Variants in EFNA2 observed in about 807,000 individuals in gnomAD.
EFNA2 encodes the protein ephrin-A2.
EFNA2 carries 18 observed loss-of-function variants against 19.7 expected under a neutral mutation model. That is an observed-to-expected ratio of 0.91 (90% CI 0.63 to 1.35). The LOEUF is 1.35. Among genes scored for constraint, EFNA2 ranks in the 40% most tolerant of loss-of-function variants. The probability of loss-of-function intolerance (pLI) is 0.00; values close to 1 mark genes in which losing one functional copy is unlikely to be tolerated. For missense variants in EFNA2, 303 were observed against 296.0 expected (o/e 1.02, Z -0.17); for synonymous variants, 187 against 137.8 (o/e 1.36, Z -2.50).
upstream of EFNA2, among the ~76,000 whole-genome samples, chr19:1,285,547 G>C (rs1250916102): frequency 6.6e-6 from 1 of 152,144 alleles, no homozygotes; most frequent in Non-Finnish European, 1.5e-5. The surrounding 1 kb of genome is among the most constrained non-coding windows in gnomAD (Gnocchi z 4.1). Flanking sequence ...CGCGTGCGTC[G>C]GGGTTGGTGA....
At position 1,286,291 on chromosome 19, in the gene EFNA2, G is replaced by A; in HGVS notation, c.123G>A (p.Trp41Ter). ...RANSDRYAVY[W>*]NRSNPRFHAG... Reference sequence around the variant, plus strand: ...ACTCGGACCGCTACGCCGTCTACTGGAACCGCAGCAACCCCAGGTGAGCGC... The same window carrying A: ...ACTCGGACCGCTACGCCGTCTACTGAAACCGCAGCAACCCCAGGTGAGCGC... The change falls in exon 1 of 4, where the codon TGG (tryptophan) becomes TGA (stop). Residue 41 changes from tryptophan (W) to a stop codon, truncating the protein, a stop_gained. Coordinates refer to ENST00000215368, the MANE Select transcript of EFNA2 (RefSeq NM_001405.4). LOFTEE classifies it high-confidence loss of function. This position sits in a 1 kb window ranked among gnomAD's most constrained non-coding sequence, Gnocchi z 5.6. 1.9e-6 allele frequency: 2 copies of A among 1,059,040 alleles called. No homozygotes were observed. Among genetic ancestry groups the A allele is most frequent in the South Asian group, 2.7e-5 (1 of 37,466 alleles). 65.6% of individuals were successfully genotyped at this position (1,059,040 alleles called of 1,614,324 possible).
rs1349741092 is a variant in EFNA2, at chr19:1,294,568, A to T, written c.141-977A>T. ...TGGGTTCCAGATGTGAGAGGGTGGT[A>T]TGGGGCTCGCAGGGTCACACAGGAA... On this transcript the variant is annotated intron_variant, in intron 1 of 3. Coordinates refer to ENST00000215368, the MANE Select transcript of EFNA2 (RefSeq NM_001405.4). This position sits in a 1 kb window ranked among gnomAD's most constrained non-coding sequence, Gnocchi z 5.8. 6.6e-6 allele frequency among the ~76,000 whole-genome samples: 1 copy of T among 151,008 alleles called. No individual in the cohort carries two copies. The highest frequency in any genetic ancestry group is 6.6e-5 in the Admixed American group (1 of 15,164).
Position 1,286,263 on chromosome 19 carries a change from C to G in EFNA2, c.95C>G (p.Ala32Gly). ...GCGCGCGCCGAGGACGCCGCCCGCG[C>G]CAACTCGGACCGCTACGCCGTCTAC... ...PFARAEDAAR[A>G]NSDRYAVYWN... Residue 32 changes from alanine (A) to glycine (G), a missense_variant, in exon 1 of 4, where the codon GCC becomes GGC. Ala to Gly is a moderately conservative substitution (Grantham distance 60). Coordinates refer to ENST00000215368, the MANE Select transcript of EFNA2 (RefSeq NM_001405.4). The surrounding 1 kb of genome is among the most constrained non-coding windows in gnomAD (Gnocchi z 5.6). 7 of 1,120,946 alleles carry G rather than the reference C, an allele frequency of 6.2e-6. No homozygotes were observed. Among genetic ancestry groups the G allele is most frequent in the Non-Finnish European group, 7.7e-6 (7 of 903,568 alleles). 69.4% of individuals were successfully genotyped at this position (1,120,946 alleles called of 1,614,324 possible). A position where few individuals can be genotyped will look rare whatever the true frequency, so the allele number is the denominator to read the frequency against.
At chr19:1,285,200 C>T (rs574257290), upstream of EFNA2, among the ~76,000 whole-genome samples, 1 of 152,228 alleles carries the variant, frequency 6.6e-6, no homozygotes, top group African/African-American at 2.4e-5. The surrounding 1 kb of genome is among the most constrained non-coding windows in gnomAD (Gnocchi z 4.1). Context: ...GGTCTTTGCA[C>T]AAGCTGTGCC....
At chr19:1,292,462 A>T (rs959765450) in intron 1 of EFNA2, among the ~76,000 whole-genome samples, 1 of 152,118 alleles carries the variant, frequency 6.6e-6, no homozygotes, top group African/African-American at 2.4e-5. Flanking sequence ...GGCCCTGGGG[A>T]GGGGACAGAG....
chr19:1,290,158 G>T (rs1190627649), intron 1 of EFNA2, among the ~76,000 whole-genome samples: 1 of 152,126 alleles, frequency 6.6e-6, no homozygotes, highest in East Asian at 1.9e-4. Flanking sequence ...ATAGGGCCTG[G>T]TGTGGATGGG....
Position 1,288,171 on chromosome 19 carries a change from T to C in EFNA2, c.140+1863T>C, listed in dbSNP as rs925290270. 7.2e-5 allele frequency among the ~76,000 whole-genome samples: 11 copies of C among 152,358 alleles called. 1 individual carries two copies. The South Asian group carries it at 2.3e-3, about 32-fold the overall frequency. On this transcript the variant is annotated intron_variant, in intron 1 of 3. Coordinates refer to ENST00000215368, the MANE Select transcript of EFNA2 (RefSeq NM_001405.4). ...GTTGCTGGGGACGGAGCCGACACCC[T>C]GCAGTGGGGCCCAGGGCTGGGTGAG...
At position 1,287,678 on chromosome 19, in the gene EFNA2, C is replaced by T. The variant is rs968172750; in HGVS notation, c.140+1370C>T. On this transcript the variant is annotated intron_variant, in intron 1 of 3. Transcript: ENST00000215368. This position sits in a 1 kb window ranked among gnomAD's most constrained non-coding sequence, Gnocchi z 6.2. ...GCAGGGACCCCGGGCCGCTGGGGGA[C>T]GGCTGGCCCACCTCAGAGCGGGTCC... is the stretch of plus-strand genomic sequence containing the variant. 2.2e-4 allele frequency among the ~76,000 whole-genome samples: 34 copies of T among 151,856 alleles called. No homozygotes were observed. Among genetic ancestry groups the T allele is most frequent in the Non-Finnish European group, 5.9e-5 (4 of 67,922 alleles).
chr19:1,288,720 G>A (rs537276133), intron 1 of EFNA2, among the ~76,000 whole-genome samples: 168 of 152,160 alleles, frequency 1.1e-3, no homozygotes, highest in African/African-American at 3.7e-3. Flanking sequence ...TGTGAGAGGC[G>A]ATGCCTGCAC....
Position 1,287,759 on chromosome 19 carries a change from G to T in EFNA2, c.140+1451G>T, listed in dbSNP as rs369591841. ...GGTTTGATTAAGGCTGTCGCTGGCC[G>T]TGCGGGGAGTCCAGCGGGCAGCGCT... On this transcript the variant is annotated intron_variant, in intron 1 of 3. Coordinates refer to ENST00000215368, the MANE Select transcript of EFNA2 (RefSeq NM_001405.4). This position sits in a 1 kb window ranked among gnomAD's most constrained non-coding sequence, Gnocchi z 6.2. 1.3e-5 allele frequency among the ~76,000 whole-genome samples: 2 copies of T among 152,274 alleles called. No individual in the cohort carries two copies. The highest frequency in any genetic ancestry group is 6.5e-5 in the Admixed American group (1 of 15,292).
Position 1,295,905 on chromosome 19 carries a change from C to A in EFNA2, c.454+47C>A, listed in dbSNP as rs747782759. On this transcript the variant is annotated intron_variant, in intron 2 of 3. Transcript: ENST00000215368. This position sits in a 1 kb window ranked among gnomAD's most constrained non-coding sequence, Gnocchi z 5.8. ...CTGCCGGGGCCCGAGTGGGCGGGGACGCGGGGGCGGGGCCAGGAAGTGGGC... is the reference window on the plus strand; with the variant it reads ...CTGCCGGGGCCCGAGTGGGCGGGGAAGCGGGGGCGGGGCCAGGAAGTGGGC... 3.7e-5 allele frequency: 42 copies of A among 1,140,124 alleles called. 1 individual carries two copies. In the South Asian group the frequency reaches 5.0e-4, roughly 13 times the overall value. 70.6% of individuals were successfully genotyped at this position (1,140,124 alleles called of 1,614,324 possible). A position where few individuals can be genotyped will look rare whatever the true frequency, so the allele number is the denominator to read the frequency against.
Position 1,286,555 on chromosome 19 carries a change from A to C in EFNA2, c.140+247A>C, listed in dbSNP as rs1029286724. Among the ~76,000 whole-genome samples the C allele has an allele frequency of 6.6e-6, 1 of 151,772 alleles. No homozygotes were observed. The highest frequency in any genetic ancestry group is 2.4e-5 in the African/African-American group (1 of 41,340). ...TACGGACTGTGGGGACTCGCGCCCC[A>C]CATCCCCCAGAGCGCCGACGTCTCC... On this transcript the variant is annotated intron_variant, in intron 1 of 3. Coordinates refer to ENST00000215368, the MANE Select transcript of EFNA2 (RefSeq NM_001405.4). The surrounding 1 kb of genome is among the most constrained non-coding windows in gnomAD (Gnocchi z 5.6).
In EFNA2 at chr19:1,296,662, A is replaced by T. The variant is rs531559118; in HGVS notation, c.454+804A>T. ...AGACCCTGTCTTTAAAAGAAGAAAA[A>T]AACCCCACAGGGCCCCTGCCGCACC... On this transcript the variant is annotated intron_variant, in intron 2 of 3. Transcript: ENST00000215368. The surrounding 1 kb of genome is among the most constrained non-coding windows in gnomAD (Gnocchi z 4.4). Among the ~76,000 whole-genome samples, 564 of 152,090 alleles carry T rather than the reference A, an allele frequency of 3.7e-3. 4 individuals carry two copies. Among genetic ancestry groups the T allele is most frequent in the African/African-American group, 0.011 (441 of 41,460 alleles).
chr19:1,288,564 G>A (rs1324151838), intron 1 of EFNA2, among the ~76,000 whole-genome samples: 7 of 152,108 alleles, frequency 4.6e-5, no homozygotes, highest in Non-Finnish European at 7.4e-5. Context: ...AGACAGCAGC[G>A]TGGGCACCAG....
chr19:1,296,154 G>T lies in EFNA2; in HGVS notation c.454+296G>T, dbSNP rs776417861. On this transcript the variant is annotated intron_variant, in intron 2 of 3. Coordinates refer to ENST00000215368, the MANE Select transcript of EFNA2 (RefSeq NM_001405.4). This position sits in a 1 kb window ranked among gnomAD's most constrained non-coding sequence, Gnocchi z 4.4. ...GACGTGCCATTCTCCCAACCATCCC[G>T]GGAGGCCAGGACTTTCCTCGTCCTT... is the stretch of plus-strand genomic sequence containing the variant. 6.6e-6 allele frequency among the ~76,000 whole-genome samples: 1 copy of T among 152,222 alleles called. No homozygotes were observed. The highest frequency in any genetic ancestry group is 2.4e-5 in the African/African-American group (1 of 41,466).
In EFNA2 at chr19:1,295,493, G is replaced by A. The variant is rs897580058; in HGVS notation, c.141-52G>A. The A allele has an allele frequency of 2.9e-5, 43 of 1,473,364 alleles. No individual in the cohort carries two copies. The highest frequency in any genetic ancestry group is 5.2e-5 in the East Asian group (2 of 38,430). 91.3% of individuals were successfully genotyped at this position (1,473,364 alleles called of 1,614,324 possible). On this transcript the variant is annotated intron_variant, in intron 1 of 3. Transcript: ENST00000215368. This position sits in a 1 kb window ranked among gnomAD's most constrained non-coding sequence, Gnocchi z 5.8. ...TGGCCCTCCCCGCGCACCCCGACCC[G>A]TGCCCCGTTCCTCGCTCCGGGCGCT... is the stretch of plus-strand genomic sequence containing the variant.
chr19:1,292,164 C>A (rs993254380), intron 1 of EFNA2, among the ~76,000 whole-genome samples: 3 of 152,232 alleles, frequency 2.0e-5, no homozygotes, highest in Non-Finnish European at 4.4e-5. Context: ...CCCCTCCCCC[C>A]TGCAGGCGCC....
chr19:1,298,164 A>C (rs2081524635), intron 2 of EFNA2, among the ~76,000 whole-genome samples: 1 of 151,308 alleles, frequency 6.6e-6, no homozygotes, highest in Admixed American at 6.6e-5. Flanking sequence ...GCTTGTCCAC[A>C]GGCTCTCAGA....
chr19:1,295,918 C>T lies in EFNA2; in HGVS notation c.454+60C>T, dbSNP rs2081512701. 25 of 1,467,426 alleles carry T rather than the reference C, an allele frequency of 1.7e-5. No homozygotes were observed. In the South Asian group the frequency reaches 3.0e-4, roughly 18 times the overall value. 90.9% of individuals were successfully genotyped at this position (1,467,426 alleles called of 1,614,324 possible). Reference sequence around the variant, plus strand: ...AGTGGGCGGGGACGCGGGGGCGGGGCCAGGAAGTGGGCGGGACCACTGGGG... The same window carrying T: ...AGTGGGCGGGGACGCGGGGGCGGGGTCAGGAAGTGGGCGGGACCACTGGGG... On this transcript the variant is annotated intron_variant, in intron 2 of 3. Transcript: ENST00000215368. The surrounding 1 kb of genome is among the most constrained non-coding windows in gnomAD (Gnocchi z 5.8).
Sources: allele counts gnomAD v4.1 joint callset (sites outside exome capture counted in the v4.1 genomes callset), GRCh38; gene constraint gnomAD v4.1.1; non-coding constraint Gnocchi (gnomAD v3.1); transcripts MANE v1.5; gene names NCBI Gene and HGNC (gene_info 2026-07-23, HGNC 2026-07-21).